The following LRFN3 variants were observed in gnomAD, a reference collection of about 807,000 sequenced individuals.
LRFN3 encodes the protein leucine-rich repeat and fibronectin type-III domain-containing protein 3.
Under a neutral mutation model 23.8 loss-of-function variants are expected in LRFN3, and 8 were observed. That is an observed-to-expected ratio of 0.34 (90% CI 0.20 to 0.61). The LOEUF (loss-of-function observed/expected upper bound fraction) is 0.61. LRFN3 is among the 20% of genes least tolerant of loss of function. The pLI, the probability that LRFN3 is intolerant of heterozygous loss-of-function variation, is 0.80. For missense variants in LRFN3, 736 were observed against 935.3 expected (o/e 0.79, Z 2.78); for synonymous variants, 451 against 450.6 (o/e 1.00, Z -0.01).
intron 2 of LRFN3, among the ~76,000 whole-genome samples, chr19:35,941,337 A>G (rs1274789020): frequency 6.6e-6 from 1 of 152,176 alleles, no homozygotes; most frequent in African/African-American, 2.4e-5. Flanking sequence ...TAAAGAGAGA[A>G]ACACCAGGTT....
intron 2 of LRFN3, among the ~76,000 whole-genome samples, chr19:35,943,820 G>A (rs1458527003): frequency 6.6e-6 from 1 of 152,168 alleles, no homozygotes; most frequent in African/African-American, 2.4e-5. Context: ...AGGGAGGCTA[G>A]AGCGGAGCTG....
At chr19:35,941,209 CAT>C (rs1430638262) in intron 2 of LRFN3, among the ~76,000 whole-genome samples, 1 of 137,276 alleles carries the variant, frequency 7.3e-6, no homozygotes, top group Non-Finnish European at 1.6e-5. Context: ...TAGTAGCAAA[CAT>C]AAAAAGGAAA....
Position 35,944,310 on chromosome 19 carries a change from G to A in LRFN3, c.1416-238G>A, listed in dbSNP as rs1405210756. Among the ~76,000 whole-genome samples the A allele has an allele frequency of 2.0e-5, 3 of 152,220 alleles. No homozygotes were observed. Among genetic ancestry groups the A allele is most frequent in the African/African-American group, 7.2e-5 (3 of 41,470 alleles). On this transcript the variant is annotated intron_variant, in intron 2 of 2. Transcript: ENST00000246529. This position sits in a 1 kb window ranked among gnomAD's most constrained non-coding sequence, Gnocchi z 4.5. ...AAAATGGGCAGCAGGCTATGAGGAC[G>A]TGTGAGAGGGTGGGCTAGAGTGAAA...
chr19:35,940,385 G>A lies in LRFN3; in HGVS notation c.960G>A (p.Val320=), dbSNP rs1976104498. 2 of 1,573,880 alleles carry A rather than the reference G, an allele frequency of 1.3e-6. No homozygotes were observed. The highest frequency in any genetic ancestry group is 1.7e-6 in the Non-Finnish European group (2 of 1,165,100). ...GRPAALRCRA[V]GDPEPRVRWV... is the part of the protein sequence containing the mutation. ...CGGCTGCCCTGCGCTGCCGGGCAGT[G>A]GGGGACCCAGAGCCCCGTGTGCGTT... The change falls in exon 2 of 3, where the codon GTG becomes GTA. Residue 320 remains valine, a synonymous_variant. Coordinates refer to ENST00000246529, the MANE Select transcript of LRFN3 (RefSeq NM_024509.2).
At position 35,939,695 on chromosome 19, in the gene LRFN3, G is replaced by C; in HGVS notation, c.270G>C (p.Leu90=). The C allele has an allele frequency of 6.2e-7, 1 of 1,605,918 alleles. No homozygotes were observed. Among genetic ancestry groups the C allele is most frequent in the Non-Finnish European group, 8.5e-7 (1 of 1,178,526 alleles). ...TGACAGGCCTGCTGCATCTGAGCCT[G>C]TCGCGGAACACCATCCGCCACGTGG... The part of the protein sequence containing the change: ...ANMTGLLHLS[L]SRNTIRHVAA... Residue 90 remains leucine (L), a synonymous_variant, in exon 2 of 3, where the codon CTG becomes CTC. Transcript: ENST00000246529. This position sits in a 1 kb window ranked among gnomAD's most constrained non-coding sequence, Gnocchi z 6.4.
Position 35,944,856 on chromosome 19 carries a change from T to C in LRFN3, c.1724T>C (p.Ile575Thr), listed in dbSNP as rs759126682. Residue 575 changes from isoleucine to threonine, a missense_variant, in exon 3 of 3, where the codon ATT (isoleucine) becomes ACT (threonine). Physicochemically the swap from Ile to Thr is moderately conservative, Grantham distance 89 (BLOSUM62 -1). Around this residue, in one of 2 missense-constraint regions of LRFN3, gnomAD observed 290 missense variants for 287.4 expected, o/e 1.01. Coordinates refer to ENST00000246529, the MANE Select transcript of LRFN3 (RefSeq NM_024509.2). The surrounding 1 kb of genome is among the most constrained non-coding windows in gnomAD (Gnocchi z 4.5). ...GGCCAGCCCCCCGGCAAGGCCAAGATTCCCGCGCCTGTTAGCAGCGTTTGC... is the reference window on the plus strand; with the variant it reads ...GGCCAGCCCCCCGGCAAGGCCAAGACTCCCGCGCCTGTTAGCAGCGTTTGC... Reference protein sequence around the residue: ...HGGQPPGKAKIPAPVSSVCSQ... With the variant: ...HGGQPPGKAKTPAPVSSVCSQ... The C allele has an allele frequency of 8.7e-6, 14 of 1,602,202 alleles. No homozygotes were observed. Among genetic ancestry groups the C allele is most frequent in the African/African-American group, 1.3e-5 (1 of 74,948 alleles).
intron 2 of LRFN3, among the ~76,000 whole-genome samples, chr19:35,943,584 T>A (rs1226262518): frequency 6.6e-6 from 1 of 151,602 alleles, no homozygotes; most frequent in Non-Finnish European, 1.5e-5. Context: ...AAGGGAAATT[T>A]GGCATAGGCT....
At chr19:35,937,804 C>T (rs1976073254) in intron 1 of LRFN3, among the ~76,000 whole-genome samples, 1 of 152,178 alleles carries the variant, frequency 6.6e-6, no homozygotes, top group South Asian at 2.1e-4. Flanking sequence ...CCCTTACAGC[C>T]TTTCGCTGTC....
rs927127994 is a variant in LRFN3, at chr19:35,937,218, C to A, written c.-354C>A. 6.6e-6 allele frequency: 1 copy of A among 152,132 alleles called. No individual in the cohort carries two copies. The highest frequency in any genetic ancestry group is 2.4e-5 in the African/African-American group (1 of 41,406). 9.4% of individuals were successfully genotyped at this position (152,132 alleles called of 1,614,324 possible). On this transcript the variant is annotated 5_prime_UTR_variant, in exon 1 of 3. Transcript: ENST00000246529. ...ACCTCCCAATCTTGACTCAGCACCC[C>A]AATATCTGAATGCAGAACCCCGGGA...
At position 35,945,103 on chromosome 19, in the gene LRFN3, C is replaced by A; in HGVS notation, c.*84C>A. 2.6e-6 allele frequency: 2 copies of A among 775,290 alleles called. No individual in the cohort carries two copies. The highest frequency in any genetic ancestry group is 3.7e-6 in the Non-Finnish European group (2 of 537,460). The allele number at this position is 775,290 out of a possible 1,614,324, so 48.0% of individuals were successfully genotyped here. A position where few individuals can be genotyped will look rare whatever the true frequency, so the allele number is the denominator to read the frequency against. On this transcript the variant is annotated 3_prime_UTR_variant, in exon 3 of 3. Transcript: ENST00000246529. Reference sequence around the variant, plus strand: ...CTGTGGGACCTGGCCTCAAACTCACCAAATCGCTCATGGTTTTTAAAACTC... The same window carrying A: ...CTGTGGGACCTGGCCTCAAACTCACAAAATCGCTCATGGTTTTTAAAACTC...
rs1444696785 is a variant in LRFN3 at position 35,936,410 on chromosome 19, A to G, written c.-1162A>G. ...CGCGCGCTGCCCTGGGTTGCCGGCG[A>G]GGAGGCCGCGGGAGCGCCTGGACCC... On this transcript the variant is annotated 5_prime_UTR_variant, in exon 1 of 3. Transcript: ENST00000246529. Among the ~76,000 whole-genome samples, 1 of 151,218 alleles carries G rather than the reference A, an allele frequency of 6.6e-6. No individual in the cohort carries two copies. Among genetic ancestry groups the G allele is most frequent in the Non-Finnish European group, 1.5e-5 (1 of 67,730 alleles).
At position 35,945,020 on chromosome 19, in the gene LRFN3, C is replaced by G. The variant is rs1290911970; in HGVS notation, c.*1C>G. On this transcript the variant is annotated 3_prime_UTR_variant, in exon 3 of 3. Coordinates refer to ENST00000246529, the MANE Select transcript of LRFN3 (RefSeq NM_024509.2). Reference sequence around the variant, plus strand: ...CGGCCACGAACCTGTGGGACCCTAGCCAGGCGCCCCCCCCTCTAAGGGTCC... The same window carrying G: ...CGGCCACGAACCTGTGGGACCCTAGGCAGGCGCCCCCCCCTCTAAGGGTCC... 7.3e-7 allele frequency: 1 copy of G among 1,364,656 alleles called. No homozygotes were observed. The highest frequency in any genetic ancestry group is 9.4e-7 in the Non-Finnish European group (1 of 1,068,064). 84.5% of individuals were successfully genotyped at this position (1,364,656 alleles called of 1,614,324 possible).
In LRFN3 at chr19:35,940,481, G is replaced by A. The variant is rs1976105552; in HGVS notation, c.1056G>A (p.Glu352=). 1.2e-6 allele frequency: 2 copies of A among 1,610,782 alleles called. No individual in the cohort carries two copies. Among genetic ancestry groups the A allele is most frequent in the South Asian group, 2.2e-5 (2 of 90,874 alleles). Residue 352 remains glutamate (E), a synonymous_variant, in exon 2 of 3, where the codon GAG becomes GAA. Transcript: ENST00000246529. ...RARAFPNGTL[E]LLVTEPGDGG... The stretch of plus-strand genomic sequence containing the variant: ...GCGCCTTCCCCAATGGGACGCTGGA[G>A]CTGCTGGTCACCGAGCCGGGTGATG...
Position 35,936,634 on chromosome 19 carries a change from A to G in LRFN3, c.-938A>G, listed in dbSNP as rs1425977823. On this transcript the variant is annotated 5_prime_UTR_variant, in exon 1 of 3. Transcript: ENST00000246529. Reference sequence around the variant, plus strand: ...GGGCTGCCCGGTCGCCCCCCTCCCCACCGCAGCCGGTCCCCTCCCTCCCAG... The same window carrying G: ...GGGCTGCCCGGTCGCCCCCCTCCCCGCCGCAGCCGGTCCCCTCCCTCCCAG... The G allele has an allele frequency of 1.2e-5, 1 of 82,508 alleles. No individual in the cohort carries two copies. Among genetic ancestry groups the G allele is most frequent in the African/African-American group, 4.7e-5 (1 of 21,376 alleles). 5.1% of individuals were successfully genotyped at this position (82,508 alleles called of 1,614,324 possible).
In LRFN3 at chr19:35,939,584, G is replaced by A. The variant is rs1239818993; in HGVS notation, c.159G>A (p.Val53=). ...GCCCAGGGGCAGGCCTCCTGTTCGT[G>A]CCACCCTCGCTGGACCGCCGGGCAG... ...VLCPGAGLLF[V]PPSLDRRAAE... Residue 53 remains valine, a synonymous_variant, in exon 2 of 3, where the codon GTG becomes GTA. Coordinates refer to ENST00000246529, the MANE Select transcript of LRFN3 (RefSeq NM_024509.2). This position sits in a 1 kb window ranked among gnomAD's most constrained non-coding sequence, Gnocchi z 6.4. The A allele has an allele frequency of 1.2e-6, 2 of 1,608,510 alleles. No individual in the cohort carries two copies. The highest frequency in any genetic ancestry group is 1.3e-5 in the African/African-American group (1 of 74,900).
In LRFN3 at chr19:35,940,128, C is replaced by A. The variant is rs769862426; in HGVS notation, c.703C>A (p.Arg235=). ...FSRLPLLARP[R]GSPASALVLA... is the part of the protein sequence containing the mutation. ...CCGCCTGCCCCTGCTCGCCAGGCCCCGGGGCTCGCCCGCCTCTGCCCTGGT... is the reference window on the plus strand; with the variant it reads ...CCGCCTGCCCCTGCTCGCCAGGCCCAGGGGCTCGCCCGCCTCTGCCCTGGT... Residue 235 remains arginine, a synonymous_variant, in exon 2 of 3, where the codon CGG becomes AGG. Coordinates refer to ENST00000246529, the MANE Select transcript of LRFN3 (RefSeq NM_024509.2). The A allele has an allele frequency of 3.0e-5, 49 of 1,610,496 alleles. No individual in the cohort carries two copies. Among genetic ancestry groups the A allele is most frequent in the Non-Finnish European group, 4.2e-5 (49 of 1,179,356 alleles).
Position 35,940,579 on chromosome 19 carries a change from C to A in LRFN3, c.1154C>A (p.Pro385His), listed in dbSNP as rs760053764. The change falls in exon 2 of 3, where the codon CCC becomes CAC. Residue 385 changes from proline (P) to histidine (H), a missense_variant. Physicochemically the swap from Pro to His is moderately conservative, Grantham distance 77. Around this residue, in one of 2 missense-constraint regions of LRFN3, gnomAD observed 446 missense variants for 647.9 expected, o/e 0.69. Coordinates refer to ENST00000246529, the MANE Select transcript of LRFN3 (RefSeq NM_024509.2). ...ATAAVELTVGPPPPPQLANST... is the reference protein window; with the variant it reads ...ATAAVELTVGHPPPPQLANST... ...GCTGCTGTGGAGCTGACTGTGGGTC[C>A]CCCACCACCTCCTCAGCTAGCCAAC... 1.9e-6 allele frequency: 3 copies of A among 1,612,136 alleles called. No homozygotes were observed. In the South Asian group the frequency reaches 3.3e-5, roughly 18 times the overall value.
Position 35,939,728 on chromosome 19 carries a change from C to T in LRFN3, c.303C>T (p.Gly101=), listed in dbSNP as rs577764019. Residue 101 remains glycine, a synonymous_variant, in exon 2 of 3, where the codon GGC becomes GGT. Transcript: ENST00000246529. This position sits in a 1 kb window ranked among gnomAD's most constrained non-coding sequence, Gnocchi z 6.4. ...SRNTIRHVAA[G]AFADLRALRA... Reference sequence around the variant, plus strand: ...ACACCATCCGCCACGTGGCTGCCGGCGCCTTCGCCGACCTGCGGGCCCTGC... The same window carrying T: ...ACACCATCCGCCACGTGGCTGCCGGTGCCTTCGCCGACCTGCGGGCCCTGC... 2.1e-5 allele frequency: 33 copies of T among 1,603,418 alleles called. No homozygotes were observed. The highest frequency in any genetic ancestry group is 7.7e-5 in the South Asian group (7 of 90,894).
intron 2 of LRFN3, 32 bp downstream of exon 2, chr19:35,940,872 T>TG: frequency 4.7e-6 from 7 of 1,497,720 alleles, no homozygotes; most frequent in Non-Finnish European, 6.3e-6. Context: ...GTAGCTTGGG[T>TG]GGGGGAGTGA....
Sources: allele counts gnomAD v4.1 joint callset (sites outside exome capture counted in the v4.1 genomes callset), GRCh38; gene constraint gnomAD v4.1.1; regional missense constraint gnomAD v4.1.1; non-coding constraint Gnocchi (gnomAD v3.1); transcripts MANE v1.5; gene names NCBI Gene and HGNC (gene_info 2026-07-23, HGNC 2026-07-21).